The following NIM1K variants were observed in gnomAD, a reference collection of about 807,000 sequenced individuals.
NIM1K encodes the protein NIM1 serine/threonine protein kinase, also known as serine/threonine-protein kinase NIM1.
In NIM1K, 35 loss-of-function variants were observed where a neutral mutation model predicts 37.1. The ratio of observed to expected loss-of-function variants is 0.94; its 90% CI spans 0.72 to 1.25. NIM1K has a LOEUF of 1.25. NIM1K is among the 50% of genes most tolerant of loss of function. The pLI is 0.00. For missense variants in NIM1K, 564 were observed against 548.0 expected, an observed-to-expected ratio of 1.03 and a Z score of -0.29; for synonymous variants, 234 against 206.6, an observed-to-expected ratio of 1.13 and a Z score of -1.14.
intron 1 of NIM1K, among the ~76,000 whole-genome samples, chr5:43,217,139 C>G (rs1441633618): frequency 5.9e-5 from 9 of 152,168 alleles, no homozygotes; most frequent in African/African-American, 2.2e-4. Flanking sequence ...AATCTCTCCC[C>G]TCATACTCCA....
chr5:43,198,757 G>A (rs554717251), intron 1 of NIM1K, among the ~76,000 whole-genome samples: 2 of 152,292 alleles, frequency 1.3e-5, no homozygotes, highest in Non-Finnish European at 2.9e-5. Flanking sequence ...ACAGTCTTGG[G>A]CTTGAAATTA....
chr5:43,225,903 G>A (rs1752450803), intron 1 of NIM1K: 1 of 152,236 alleles, frequency 6.6e-6, no homozygotes, highest in African/African-American at 2.4e-5. Flanking sequence ...CAAAGTTGTG[G>A]AGAAAACCAC....
intron 2 of NIM1K, among the ~76,000 whole-genome samples, chr5:43,260,333 TC>T (rs1221129893): frequency 6.6e-6 from 1 of 152,202 alleles, no homozygotes; most frequent in Non-Finnish European, 1.5e-5. Context: ...TTTCAACTTT[TC>T]CCCATTTGGT....
Position 43,245,886 on chromosome 5 carries a change from T to G in NIM1K, c.111T>G (p.Gly37=), listed in dbSNP as rs1579977335. Residue 37 remains glycine, a synonymous_variant, in exon 2 of 4, where the codon GGT becomes GGG. Coordinates refer to ENST00000326035, the MANE Select transcript of NIM1K (RefSeq NM_153361.4). ...GTCAGACCGAGAGTAGCAAGGAGGG[T>G]GAGGAGGGACAGCCCCGCCAGCTGA... The part of the protein sequence containing the change: ...SGCQTESSKE[G]EEGQPRQLTP... 6.2e-7 allele frequency: 1 copy of G among 1,611,284 alleles called. No individual in the cohort carries two copies. The highest frequency in any genetic ancestry group is 1.1e-5 in the South Asian group (1 of 90,808).
At chr5:43,200,115 T>G (rs1019803294) in intron 1 of NIM1K, among the ~76,000 whole-genome samples, 2 of 152,028 alleles carry the variant, frequency 1.3e-5, no homozygotes, top group African/African-American at 4.8e-5. Context: ...TCAGGTAATC[T>G]GCCCACCTCG....
intron 1 of NIM1K, among the ~76,000 whole-genome samples, chr5:43,217,628 T>C (rs896762979): frequency 1.3e-5 from 2 of 152,082 alleles, no homozygotes; most frequent in Non-Finnish European, 2.9e-5. Context: ...TGACGGATAA[T>C]GATGCTGAAC....
intron 1 of NIM1K, among the ~76,000 whole-genome samples, chr5:43,201,187 A>G (rs1470021565): frequency 1.3e-5 from 2 of 151,856 alleles, no homozygotes; most frequent in Admixed American, 6.6e-5. Context: ...AGGCGGGCGG[A>G]TCATAAGGTC....
chr5:43,268,502 G>C (rs1026105112), intron 2 of NIM1K, among the ~76,000 whole-genome samples: 5 of 152,306 alleles, frequency 3.3e-5, no homozygotes, highest in Admixed American at 2.0e-4. Context: ...TGGGGCCACA[G>C]GAGTGGTTGG....
intron 1 of NIM1K, chr5:43,194,884 C>T (rs1379123313): frequency 3.3e-5 from 5 of 152,248 alleles, no homozygotes; most frequent in Non-Finnish European, 7.4e-5. Flanking sequence ...AGGTGCATGA[C>T]AGACTTATCA....
At chr5:43,258,627 G>T (rs12514313) in intron 2 of NIM1K, among the ~76,000 whole-genome samples, 1 of 151,970 alleles carries the variant, frequency 6.6e-6, no homozygotes, top group Admixed American at 6.6e-5. Context: ...ATGTTTTGTA[G>T]ATATGGGGTC....
intron 2 of NIM1K, among the ~76,000 whole-genome samples, chr5:43,249,978 G>A (rs1267511250): frequency 5.5e-5 from 8 of 146,226 alleles, no homozygotes; most frequent in East Asian, 2.1e-4. Flanking sequence ...TCAACCTCCC[G>A]AGGAGCTGGG....
chr5:43,257,399 G>A (rs980936931), intron 2 of NIM1K, among the ~76,000 whole-genome samples: 11 of 119,888 alleles, frequency 9.2e-5, no homozygotes, highest in Admixed American at 2.2e-4. Flanking sequence ...ATGGAGTCTC[G>A]CTCTGTCACC....
At chr5:43,263,100 G>T (rs958580409) in intron 2 of NIM1K, among the ~76,000 whole-genome samples, 1 of 152,100 alleles carries the variant, frequency 6.6e-6, no homozygotes, top group African/African-American at 2.4e-5. Flanking sequence ...TCCAGGTTTT[G>T]GTATTAGGAT....
intron 1 of NIM1K, among the ~76,000 whole-genome samples, chr5:43,237,761 T>G (rs1307249907): frequency 6.6e-6 from 1 of 152,046 alleles, no homozygotes; most frequent in Non-Finnish European, 1.5e-5. Flanking sequence ...CCAAACAGGA[T>G]TTACCTTTTC....
chr5:43,253,216 G>A (rs1159817152), intron 2 of NIM1K, among the ~76,000 whole-genome samples: 5,207 of 62,826 alleles, frequency 0.083, 119 homozygotes, highest in Non-Finnish European at 0.12. Context: ...TAATATATGT[G>A]TGTGTGTGTG....
Position 43,195,964 on chromosome 5 carries a change from A to G in NIM1K, c.-695+3553A>G, listed in dbSNP as rs1305591667. On this transcript the variant is annotated intron_variant, in intron 1 of 3. Coordinates refer to ENST00000326035, the MANE Select transcript of NIM1K (RefSeq NM_153361.4). ...GAAACTAAGAAGAACTCCACTCTTC[A>G]TCTTCCACAGAGAACACTGATGGTT... Among the ~76,000 whole-genome samples the G allele has an allele frequency of 3.9e-5, 6 of 152,362 alleles. No homozygotes were observed. The East Asian group carries it at 1.2e-3, about 29-fold the overall frequency.
At chr5:43,253,212 ATGTGTGTGTGTGTGTGTGTG>A (rs10603525) in intron 2 of NIM1K, among the ~76,000 whole-genome samples, 5 of 131,754 alleles carry the variant, frequency 3.8e-5, no homozygotes, top group South Asian at 2.4e-4. Flanking sequence ...AATATAATAT[ATGTGTGTGTGTGTGTGTGTG>A]TGTGTGTGTG....
rs1423990071 is a variant in NIM1K, at chr5:43,203,324, T to C, written c.-695+10913T>C. Among the ~76,000 whole-genome samples, 2 of 152,248 alleles carry C rather than the reference T, an allele frequency of 1.3e-5. 1 individual carries two copies. The highest frequency in any genetic ancestry group is 4.8e-5 in the African/African-American group (2 of 41,470). On this transcript the variant is annotated intron_variant, in intron 1 of 3. Coordinates refer to ENST00000326035, the MANE Select transcript of NIM1K (RefSeq NM_153361.4). ...GGCCTAAAAGTTTCTCTGTACATTG[T>C]GAACTACAACCTAAATGCAGTTGTT...
chr5:43,203,165 T>G (rs1443578847), intron 1 of NIM1K, among the ~76,000 whole-genome samples: 1 of 151,904 alleles, frequency 6.6e-6, no homozygotes, highest in Non-Finnish European at 1.5e-5. Flanking sequence ...CCTCCTAGGC[T>G]CCACTCAGTT....
Sources: allele counts gnomAD v4.1 joint callset (sites outside exome capture counted in the v4.1 genomes callset), GRCh38; gene constraint gnomAD v4.1.1; transcripts MANE v1.5; gene names NCBI Gene and HGNC (gene_info 2026-07-23, HGNC 2026-07-21).